Variants in REC114 observed in about 807,000 individuals in gnomAD.
REC114 encodes the protein meiotic recombination protein REC114.
A neutral mutation model predicts 31.3 loss-of-function variants in REC114; 27 were observed. The ratio of observed to expected loss-of-function variants is 0.86; its 90% CI spans 0.64 to 1.19. The LOEUF is 1.19. Among genes scored for constraint, REC114 ranks in the 50% most tolerant of loss-of-function variants. REC114 has a pLI of 0.00. For synonymous variants in REC114, 134 were observed against 127.7 expected (o/e 1.05, Z -0.33); for missense variants, 344 against 326.9 (o/e 1.05, Z -0.40).
At chr15:73,480,210 A>G (rs1470737573) in intron 2 of REC114, among the ~76,000 whole-genome samples, 4 of 151,972 alleles carry the variant, frequency 2.6e-5, no homozygotes, top group Non-Finnish European at 5.9e-5. Flanking sequence ...ACTTTTTCTT[A>G]TACCTGTTGG....
intron 2 of REC114, among the ~76,000 whole-genome samples, chr15:73,475,522 G>GTTT (rs967234440): frequency 2.6e-5 from 4 of 152,152 alleles, no homozygotes; most frequent in African/African-American, 4.8e-5. Context: ...TTAACAAAAG[G>GTTT]TTTTTAAAAT....
At chr15:73,489,108 T>A (rs1426974403) in intron 2 of REC114, among the ~76,000 whole-genome samples, 3 of 152,164 alleles carry the variant, frequency 2.0e-5, no homozygotes, top group African/African-American at 7.2e-5. Context: ...GGCATCTTTT[T>A]GCTACATCCT....
chr15:73,531,607 G>A (rs1282960637), intron 2 of REC114, among the ~76,000 whole-genome samples: 1 of 152,184 alleles, frequency 6.6e-6, no homozygotes, highest in African/African-American at 2.4e-5. Context: ...AGGAGGAAAT[G>A]GGGGTGTCAA....
In REC114 at chr15:73,443,246, T is replaced by C; in HGVS notation, c.61T>C (p.Trp21Arg). 6.4e-7 allele frequency: 1 copy of C among 1,573,334 alleles called. No homozygotes were observed. The highest frequency in any genetic ancestry group is 8.6e-7 in the Non-Finnish European group (1 of 1,160,424). The change falls in exon 1 of 6, where the codon TGG becomes CGG. Residue 21 changes from tryptophan (W) to arginine (R), a missense_variant. Trp to Arg is a moderately radical substitution (Grantham distance 101). Transcript: ENST00000331090. ...LGLTGGEAAE[W>R]PLQRYARCIP... ...GCTTACCGGAGGAGAAGCGGCAGAG[T>C]GGCCTCTGCAGCGGTACGCCCGCTG... is the stretch of plus-strand genomic sequence containing the variant.
Position 73,539,457 on chromosome 15 carries a change from CTT to C in REC114, c.250-1005_250-1004del, listed in dbSNP as rs58815458. ...AGGCACCTGCCACCACGCCCGGCTA[CTT>C]TTTTTTTTTTTTTTTTTTTTTTAAG... On this transcript the variant is annotated intron_variant, in intron 2 of 5. Transcript: ENST00000331090. Among the ~76,000 whole-genome samples, 644 of 104,264 alleles carry C rather than the reference CTT, an allele frequency of 6.2e-3. 7 individuals carry two copies. Among genetic ancestry groups the C allele is most frequent in the African/African-American group, 0.024 (556 of 23,212 alleles). The allele number at this position is 104,264 out of a possible 152,430, so 68.4% of individuals were successfully genotyped here.
intron 2 of REC114, among the ~76,000 whole-genome samples, chr15:73,500,215 GCTCTTTTCAC>G (rs1047734527): frequency 1.3e-3 from 203 of 152,190 alleles, no homozygotes; most frequent in African/African-American, 4.8e-3. Flanking sequence ...TAGGTACCAA[GCTCTTTTCAC>G]CTGTTCTCTA....
intron 1 of REC114, among the ~76,000 whole-genome samples, chr15:73,456,582 T>G (rs1165699525): frequency 6.6e-6 from 1 of 152,138 alleles, no homozygotes; most frequent in African/African-American, 2.4e-5. Context: ...GAATGTATGG[T>G]GTGGTAATTT....
chr15:73,510,030 G>A (rs1277950301), intron 2 of REC114, among the ~76,000 whole-genome samples: 1 of 151,908 alleles, frequency 6.6e-6, no homozygotes, highest in African/African-American at 2.4e-5. Flanking sequence ...AATTACCTTG[G>A]GCAGTATGGC....
chr15:73,535,405 A>G (rs563029408), intron 2 of REC114, among the ~76,000 whole-genome samples: 5 of 149,360 alleles, frequency 3.3e-5, no homozygotes, highest in Admixed American at 3.3e-4. Context: ...CAGCCAAATC[A>G]TGAGTGAACT....
At chr15:73,447,414 T>C (rs1399226909) in intron 1 of REC114, among the ~76,000 whole-genome samples, 1 of 152,054 alleles carries the variant, frequency 6.6e-6, no homozygotes, top group Non-Finnish European at 1.5e-5. Flanking sequence ...CAAAGAAGAC[T>C]GATAAGAGGC....
intron 1 of REC114, among the ~76,000 whole-genome samples, chr15:73,466,552 T>TG (rs1350925571): frequency 6.6e-6 from 1 of 151,856 alleles, no homozygotes; most frequent in Admixed American, 6.5e-5. Flanking sequence ...AGACTCCCGC[T>TG]GGGGGAAGGA....
chr15:73,446,722 G>A (rs780855702), intron 1 of REC114, among the ~76,000 whole-genome samples: 2 of 152,210 alleles, frequency 1.3e-5, no homozygotes, highest in Non-Finnish European at 2.9e-5. Context: ...TAGTGAGAAG[G>A]CTAGCAAATC....
chr15:73,450,781 C>A (rs1892834555), intron 1 of REC114, among the ~76,000 whole-genome samples: 1 of 152,102 alleles, frequency 6.6e-6, no homozygotes, highest in Non-Finnish European at 1.5e-5. Context: ...TCATAACAAA[C>A]AATCTCTCAG....
chr15:73,533,486 ACTAT>A (rs779945075), intron 2 of REC114, among the ~76,000 whole-genome samples: 14,242 of 147,614 alleles, frequency 0.096, 918 homozygotes, highest in African/African-American at 0.19. Flanking sequence ...AGAAGAGCTA[ACTAT>A]CCTAAATATA....
chr15:73,493,101 T>G (rs1479049777), intron 2 of REC114, among the ~76,000 whole-genome samples: 2 of 152,016 alleles, frequency 1.3e-5, no homozygotes, highest in Admixed American at 1.3e-4. Context: ...ACTGCAGCCT[T>G]GAATTCCTGG....
At chr15:73,486,389 C>T (rs1310271507) in intron 2 of REC114, among the ~76,000 whole-genome samples, 1 of 152,140 alleles carries the variant, frequency 6.6e-6, no homozygotes, top group Non-Finnish European at 1.5e-5. Context: ...AGCCACTGTA[C>T]CCGGCCACCA....
intron 1 of REC114, among the ~76,000 whole-genome samples, chr15:73,466,043 G>A (rs1370841859): frequency 1.3e-5 from 2 of 151,516 alleles, no homozygotes; most frequent in East Asian, 2.0e-4. Flanking sequence ...TAGTAGAGAC[G>A]GGGTTTCACC....
chr15:73,444,911 A>T (rs1179955796), intron 1 of REC114, among the ~76,000 whole-genome samples: 1 of 152,246 alleles, frequency 6.6e-6, no homozygotes, highest in African/African-American at 2.4e-5. Flanking sequence ...AACAACATTC[A>T]TCTCTTTGTA....
At chr15:73,454,558 GTA>G (rs773068231) in intron 1 of REC114, among the ~76,000 whole-genome samples, 3 of 152,164 alleles carry the variant, frequency 2.0e-5, no homozygotes, top group Non-Finnish European at 4.4e-5. Flanking sequence ...ATTGAAATCA[GTA>G]TATCTAGGAC....
Sources: allele counts gnomAD v4.1 joint callset (sites outside exome capture counted in the v4.1 genomes callset), GRCh38; gene constraint gnomAD v4.1.1; transcripts MANE v1.5; gene names NCBI Gene and HGNC (gene_info 2026-07-23, HGNC 2026-07-21).